Variants in EPS15 observed in about 807,000 individuals in gnomAD.
EPS15 encodes the protein epidermal growth factor receptor pathway substrate 15.
In EPS15, 72 loss-of-function variants were observed where a neutral mutation model predicts 113.8. The ratio of observed to expected loss-of-function variants is 0.63; its 90% CI spans 0.52 to 0.77. EPS15 has a LOEUF of 0.77. Ranked by LOEUF, EPS15 falls within the 30% of genes least tolerant of loss-of-function variation. The pLI is 0.00. For missense variants in EPS15, 1,048 were observed against 1,045.8 expected (o/e 1.00, Z -0.03); for synonymous variants, 344 against 363.4 (o/e 0.95, Z 0.61).
At chr1:51,464,580 T>G (rs1654714457) in intron 6 of EPS15, among the ~76,000 whole-genome samples, 1 of 152,158 alleles carries the variant, frequency 6.6e-6, no homozygotes, top group Non-Finnish European at 1.5e-5. Flanking sequence ...CATCAAGATT[T>G]CTCCATTTTT....
intron 2 of EPS15, among the ~76,000 whole-genome samples, chr1:51,476,726 T>C (rs1570388634): frequency 6.6e-6 from 1 of 152,330 alleles, no homozygotes; most frequent in South Asian, 2.1e-4. Context: ...TAGTTATTTC[T>C]CATTGGTTCC....
chr1:51,365,572 T>A (rs1211787586), intron 22 of EPS15, among the ~76,000 whole-genome samples: 1 of 152,062 alleles, frequency 6.6e-6, no homozygotes, highest in Non-Finnish European at 1.5e-5. Flanking sequence ...CCTCAGAACA[T>A]AAAATCAAGT....
intron 13 of EPS15, among the ~76,000 whole-genome samples, chr1:51,420,244 A>G (rs1232715462): frequency 6.6e-6 from 1 of 152,170 alleles, no homozygotes; most frequent in Non-Finnish European, 1.5e-5. Flanking sequence ...AACTTCTATA[A>G]TTATAAGACA....
At chr1:51,483,174 C>G (rs1644052660) in intron 1 of EPS15, among the ~76,000 whole-genome samples, 1 of 152,062 alleles carries the variant, frequency 6.6e-6, no homozygotes, top group Non-Finnish European at 1.5e-5. Context: ...GTAGCCGACT[C>G]AGTTATCAGG....
intron 12 of EPS15, among the ~76,000 whole-genome samples, chr1:51,437,480 T>TG (rs1204715417): frequency 7.0e-6 from 1 of 143,848 alleles, no homozygotes; most frequent in African/African-American, 2.5e-5. Flanking sequence ...ATCCCTGGAC[T>TG]AAAAAAAAAA....
intron 13 of EPS15, among the ~76,000 whole-genome samples, chr1:51,417,318 T>C (rs1440852305): frequency 6.6e-6 from 1 of 152,190 alleles, no homozygotes; most frequent in South Asian, 2.1e-4. Context: ...AGTCTGACTT[T>C]TCATGATAAC....
chr1:51,375,653 C>T (rs1646779729), intron 21 of EPS15, among the ~76,000 whole-genome samples: 1 of 151,940 alleles, frequency 6.6e-6, no homozygotes, highest in Non-Finnish European at 1.5e-5. Context: ...CTCTTTTTCC[C>T]CATATAAAGT....
Position 51,402,503 on chromosome 1 carries a change from G to C in EPS15, c.1814C>G (p.Ser605Ter). ...TGCAACTGGACCTGTCAGCGAACTT[G>C]AGTCTACATTAAATGGATCTTCCTA... ...SKEEDPFNVD[S>*]SSLTGPVADT... is the part of the protein sequence containing the mutation. The change falls in exon 18 of 25, where the codon TCA (serine) becomes TGA (stop). Residue 605 changes from serine (S) to a stop codon, truncating the protein, a stop_gained. Coordinates refer to ENST00000371733, the MANE Select transcript of EPS15 (RefSeq NM_001981.3). LOFTEE classifies it high-confidence loss of function. 1 of 1,573,202 alleles carries C rather than the reference G, an allele frequency of 6.4e-7. No homozygotes were observed.
intron 24 of EPS15, among the ~76,000 whole-genome samples, chr1:51,357,414 ATATATATATATAT>A (rs1348504024): frequency 2.1e-4 from 13 of 62,624 alleles, no homozygotes; most frequent in African/African-American, 3.6e-4. Context: ...ATATATATAT[ATATATATATATAT>A]TTTTTTTTTT....
intron 12 of EPS15, 21 bp downstream of exon 12, chr1:51,440,326 C>A: frequency 1.0e-6 from 1 of 999,250 alleles, no homozygotes; most frequent in South Asian, 1.4e-5. Flanking sequence ...TGTGAGTAGG[C>A]TGTAATTTTG....
rs1242050780 is a variant in EPS15, at chr1:51,355,396, C to G, written c.*1304G>C. Reference sequence around the variant, plus strand: ...TTTAATACATCATCTAAGTCAGTAACCGTGTTAAACAAAATTAAAATGACA... The same window carrying G: ...TTTAATACATCATCTAAGTCAGTAAGCGTGTTAAACAAAATTAAAATGACA... On this transcript the variant is annotated 3_prime_UTR_variant, in exon 25 of 25. Coordinates refer to ENST00000371733, the MANE Select transcript of EPS15 (RefSeq NM_001981.3). The G allele has an allele frequency of 4.9e-6, 1 of 204,798 alleles. No individual in the cohort carries two copies. Among genetic ancestry groups the G allele is most frequent in the Non-Finnish European group, 1.0e-5 (1 of 100,212 alleles). 12.7% of individuals were successfully genotyped at this position (204,798 alleles called of 1,614,324 possible). A position where few individuals can be genotyped will look rare whatever the true frequency, so the allele number is the denominator to read the frequency against.
At chr1:51,377,035 G>C (rs140612740) in intron 21 of EPS15, among the ~76,000 whole-genome samples, 1 of 152,054 alleles carries the variant, frequency 6.6e-6, no homozygotes, top group Non-Finnish European at 1.5e-5. Context: ...GGAGGCTGAG[G>C]CGGGGTGGAT....
At position 51,405,925 on chromosome 1, in the gene EPS15, G is replaced by A. The variant is rs774560078; in HGVS notation, c.1657C>T (p.Pro553Ser). Residue 553 changes from proline to serine, a missense_variant, in exon 16 of 25, where the codon CCC becomes TCC. Pro to Ser is a moderately conservative substitution (Grantham distance 74). Coordinates refer to ENST00000371733, the MANE Select transcript of EPS15 (RefSeq NM_001981.3). ...VEGQSNLESE[P>S]IHQESPARSS... ...CTCACTGGAGATTCCTGGTGTATGGGCTCAGACTCTAGGTTGCTCTGGCCT... is the reference window on the plus strand; with the variant it reads ...CTCACTGGAGATTCCTGGTGTATGGACTCAGACTCTAGGTTGCTCTGGCCT... The A allele has an allele frequency of 1.9e-6, 3 of 1,614,042 alleles. No individual in the cohort carries two copies. The South Asian group carries it at 3.3e-5, about 18-fold the overall frequency.
At chr1:51,357,407 T>TATAA (rs1646252856) in intron 24 of EPS15, among the ~76,000 whole-genome samples, 1 of 55,642 alleles carries the variant, frequency 1.8e-5, no homozygotes, top group African/African-American at 1.0e-4. Context: ...TATATATATA[T>TATAA]ATATATATAT....
intron 19 of EPS15, among the ~76,000 whole-genome samples, chr1:51,399,687 T>C (rs1648329691): frequency 6.7e-6 from 1 of 149,262 alleles, no homozygotes; most frequent in Non-Finnish European, 1.5e-5. Flanking sequence ...AGTGAAACCC[T>C]GTCTCTACTA....
chr1:51,384,309 T>TC (rs1647011616), intron 21 of EPS15, among the ~76,000 whole-genome samples: 1 of 146,648 alleles, frequency 6.8e-6, no homozygotes, highest in African/African-American at 2.5e-5. Context: ...TTTTTTTTTT[T>TC]TTTTTTTTTG....
chr1:51,358,389 G>A (rs1646291514), intron 24 of EPS15, among the ~76,000 whole-genome samples: 1 of 152,106 alleles, frequency 6.6e-6, no homozygotes, highest in South Asian at 2.1e-4. Flanking sequence ...ATTATGTTGG[G>A]GAAATATTTT....
At chr1:51,433,000 G>T (rs1378472932) in intron 12 of EPS15, among the ~76,000 whole-genome samples, 2 of 152,122 alleles carry the variant, frequency 1.3e-5, no homozygotes, top group Non-Finnish European at 2.9e-5. Flanking sequence ...TATAAGCAAT[G>T]AACTCTCCAG....
chr1:51,456,869 G>C (rs547572685), intron 8 of EPS15, among the ~76,000 whole-genome samples: 26 of 152,126 alleles, frequency 1.7e-4, no homozygotes, highest in African/African-American at 6.3e-4. Context: ...CTAACCAAAA[G>C]AATACTAGTT....
Sources: allele counts gnomAD v4.1 joint callset (sites outside exome capture counted in the v4.1 genomes callset), GRCh38; gene constraint gnomAD v4.1.1; transcripts MANE v1.5; gene names NCBI Gene and HGNC (gene_info 2026-07-23, HGNC 2026-07-21).